Variants in NF1 observed in about 807,000 individuals in gnomAD.
NF1 encodes the protein neurofibromin 1.
NF1 carries 122 observed loss-of-function variants against 325.7 expected under a neutral mutation model. The ratio of observed to expected loss-of-function variants is 0.37; its 90% confidence interval spans 0.32 to 0.44. The LOEUF (loss-of-function observed/expected upper bound fraction) is 0.44, where lower values mean the gene tolerates loss of function less well. Ranked by LOEUF, NF1 falls within the 20% of genes least tolerant of loss-of-function variation. The probability of loss-of-function intolerance (pLI) is 1.00; values close to 1 mark genes in which losing one functional copy is unlikely to be tolerated. For missense variants in NF1, 2,140 were observed against 3,415.4 expected (o/e 0.63, Z 9.31); for synonymous variants, 1,091 against 1,186.0 (o/e 0.92, Z 1.65).
chr17:31,294,923 C>T lies in NF1; in HGVS notation c.4835+29584C>T, dbSNP rs1018581917. Reference sequence around the variant, plus strand: ...GGCTTTCTTGAATACTTAAATATAGCTCGAATCACTGGTTAGATATGGACA... The same window carrying T: ...GGCTTTCTTGAATACTTAAATATAGTTCGAATCACTGGTTAGATATGGACA... On this transcript the variant is annotated intron_variant, in intron 36 of 57. Transcript: ENST00000358273. The T allele has an allele frequency of 1.9e-6, 3 of 1,558,560 alleles. No individual in the cohort carries two copies. The African/African-American group carries it at 4.1e-5, about 21-fold the overall frequency.
chr17:31,232,612 A>G, intron 25 of NF1, 88 bp from the exon 26 acceptor site: 2 of 1,259,544 alleles, frequency 1.6e-6, no homozygotes, highest in Non-Finnish European at 2.3e-6. Flanking sequence ...CATTCACACC[A>G]TGCACATATG....
chr17:31,329,197 T>C (rs2069420685), intron 38 of NF1, among the ~76,000 whole-genome samples: 1 of 152,164 alleles, frequency 6.6e-6, no homozygotes, highest in African/African-American at 2.4e-5. Flanking sequence ...AGAAAAAAGA[T>C]ATGTAAACAG....
In NF1 at chr17:31,222,601, C is replaced by CT. The variant is rs59458028; in HGVS notation, c.1721+678dup. Reference sequence around the variant, plus strand: ...TAATGAGAACCCCATATGTTAAAAACTTTTTTACTTACTACATTAAAGAGT... The same window carrying CT: ...TAATGAGAACCCCATATGTTAAAAACTTTTTTTACTTACTACATTAAAGAGT... On this transcript the variant is annotated intron_variant, in intron 15 of 57. Transcript: ENST00000358273. The CT allele has an allele frequency of 1.8e-3, 1,652 of 929,900 alleles. 21 individuals are homozygous for CT. The African/African-American group carries it at 0.027, about 15-fold the overall frequency. The allele number at this position is 929,900 out of a possible 1,614,324, so 57.6% of individuals were successfully genotyped here.
chr17:31,326,389 T>C, intron 37 of NF1, 137 bp downstream of exon 37: 1 of 842,200 alleles, frequency 1.2e-6, no homozygotes. Context: ...GGCTCACGCC[T>C]GTAATCCAAG....
chr17:31,322,045 C>G (rs558955184), intron 36 of NF1, among the ~76,000 whole-genome samples: 2 of 151,124 alleles, frequency 1.3e-5, no homozygotes, highest in Non-Finnish European at 2.9e-5. Context: ...ATCTAGTAAA[C>G]TTAGATTATA....
At chr17:31,360,403 C>T (rs888350139) in intron 56 of NF1, 84 bp from the exon 57 acceptor site, 1 of 1,170,552 alleles carries the variant, frequency 8.5e-7, no homozygotes, top group African/African-American at 1.5e-5. Context: ...TAAATTAAGT[C>T]CAAACAAAAT....
chr17:31,326,830 T>C (rs1407696309), intron 37 of NF1, among the ~76,000 whole-genome samples: 1 of 152,052 alleles, frequency 6.6e-6, no homozygotes, highest in Non-Finnish European at 1.5e-5. Flanking sequence ...GAGTAGAAAT[T>C]ACCTAATGAG....
chr17:31,310,637 C>T (rs867804626), intron 36 of NF1, among the ~76,000 whole-genome samples: 39 of 151,264 alleles, frequency 2.6e-4, no homozygotes, highest in African/African-American at 8.7e-4. Context: ...CATCCTCTCC[C>T]TTTTTTTTTC....
At chr17:31,284,156 C>T (rs1017753498) in intron 36 of NF1, among the ~76,000 whole-genome samples, 1 of 152,194 alleles carries the variant, frequency 6.6e-6, no homozygotes, top group Non-Finnish European at 1.5e-5. Flanking sequence ...GGCTGGAATG[C>T]AGTGGCATGA....
intron 57 of NF1, chr17:31,367,189 A>T (rs1430428624): frequency 7.9e-7 from 1 of 1,258,188 alleles, no homozygotes; most frequent in Admixed American, 2.3e-5. Flanking sequence ...TATGAACATC[A>T]CTTACTTGCT....
rs1396903872 is a variant in NF1 at position 31,325,934 on chromosome 17, T to C, written c.4950T>C (p.Pro1650=). The C allele has an allele frequency of 6.2e-7, 1 of 1,614,222 alleles. No homozygotes were observed. The highest frequency in any genetic ancestry group is 1.7e-5 in the Admixed American group (1 of 60,024). ...EIVVDLTHTG[P]SNRFKTDFLS... ...TAGTGGACCTTACCCATACCGGGCC[T>C]AGCAATCGCTTTAAAACAGACTTTC... is the stretch of plus-strand genomic sequence containing the variant. Residue 1650 remains proline, a synonymous_variant, in exon 37 of 58, where the codon CCT becomes CCC. Coordinates refer to ENST00000358273, the MANE Select transcript of NF1 (RefSeq NM_001042492.3).
rs2151429168 is a variant in NF1, at chr17:31,229,195, G to A, written c.2580G>A (p.Leu860=). 6.2e-7 allele frequency: 1 copy of A among 1,611,958 alleles called. No individual in the cohort carries two copies. Among genetic ancestry groups the A allele is most frequent in the Non-Finnish European group, 8.5e-7 (1 of 1,179,826 alleles). The part of the protein sequence containing the change: ...VCLQQRSNSG[L]ATYSPPMGPV... ...TCCAGCAGAGAAGCAATTCTGGCCT[G>A]GCAACCTATAGCCCACCCATGGGTC... The change falls in exon 21 of 58, where the codon CTG becomes CTA. Residue 860 remains leucine (L), a synonymous_variant. Transcript: ENST00000358273.
chr17:31,097,189 G>A (rs1469397859), intron 1 of NF1, among the ~76,000 whole-genome samples: 1 of 152,082 alleles, frequency 6.6e-6, no homozygotes, highest in East Asian at 1.9e-4. Flanking sequence ...TGGGCGCGGT[G>A]GCTCACGCCT....
chr17:31,214,553 C>T lies in NF1; in HGVS notation c.1495C>T (p.Leu499=), dbSNP rs764095472. The T allele has an allele frequency of 1.2e-6, 2 of 1,612,972 alleles. No individual in the cohort carries two copies. Among genetic ancestry groups the T allele is most frequent in the Admixed American group, 1.7e-5 (1 of 59,948 alleles). Residue 499 remains leucine, a synonymous_variant, in exon 13 of 58, where the codon CTA becomes TTA. Coordinates refer to ENST00000358273, the MANE Select transcript of NF1 (RefSeq NM_001042492.3). ...GTATCTTCTCTTGTCCATGGTGAAACTAATTCATGCAGATCCAAAGCTCTT... is the reference window on the plus strand; with the variant it reads ...GTATCTTCTCTTGTCCATGGTGAAATTAATTCATGCAGATCCAAAGCTCTT... ...YKYLLLSMVK[L]IHADPKLLLC...
rs1024357003 is a variant in NF1, at chr17:31,132,759, C to T, written c.61-23224C>T. 5.9e-5 allele frequency among the ~76,000 whole-genome samples: 9 copies of T among 152,074 alleles called. No individual in the cohort carries two copies. In the South Asian group the frequency reaches 1.0e-3, roughly 18 times the overall value. On this transcript the variant is annotated intron_variant, in intron 1 of 57. Transcript: ENST00000358273. ...TCAGCTCACTGCAACATTTGCCTCCCGAGTTCAAGTGAGTCTCCTGCCTCA... is the reference window on the plus strand; with the variant it reads ...TCAGCTCACTGCAACATTTGCCTCCTGAGTTCAAGTGAGTCTCCTGCCTCA...
At chr17:31,163,083 T>C in intron 3 of NF1, 103 bp from the exon 4 acceptor site, 2 of 992,970 alleles carry the variant, frequency 2.0e-6, no homozygotes, top group Non-Finnish European at 3.1e-6. Flanking sequence ...GTATGTAAGG[T>C]GTTCATTATT....
intron 36 of NF1, chr17:31,320,436 G>A: frequency 6.2e-7 from 1 of 1,610,230 alleles, no homozygotes; most frequent in East Asian, 2.2e-5. Flanking sequence ...CAACATGGAT[G>A]CCACTGCTAG....
In NF1 at chr17:31,155,740, T is replaced by G. The variant is rs17879769; in HGVS notation, c.61-243T>G. On this transcript the variant is annotated intron_variant, in intron 1 of 57. Coordinates refer to ENST00000358273, the MANE Select transcript of NF1 (RefSeq NM_001042492.3). ...AAAGAAAGCTGCAAAAATGGAAGTTTCCAAAGAATTTAAGATTTGCTATAA... is the reference window on the plus strand; with the variant it reads ...AAAGAAAGCTGCAAAAATGGAAGTTGCCAAAGAATTTAAGATTTGCTATAA... Among the ~76,000 whole-genome samples, 1,307 of 152,302 alleles carry G rather than the reference T, an allele frequency of 8.6e-3. 23 individuals are homozygous for G. Among genetic ancestry groups the G allele is most frequent in the African/African-American group, 0.03 (1,227 of 41,558 alleles).
At chr17:31,221,763 T>C in intron 14 of NF1, 87 bp from the exon 15 acceptor site, 1 of 891,606 alleles carries the variant, frequency 1.1e-6, no homozygotes, top group South Asian at 1.4e-5. Context: ...TTTCTTAGCA[T>C]TTATAAAATA....
Sources: allele counts gnomAD v4.1 joint callset (sites outside exome capture counted in the v4.1 genomes callset), GRCh38; gene constraint gnomAD v4.1.1; transcripts MANE v1.5; gene names NCBI Gene and HGNC (gene_info 2026-07-23, HGNC 2026-07-21).